BRCA2: variants seen among roughly 807,000 people sequenced by gnomAD.
The protein encoded by BRCA2 is breast cancer type 2 susceptibility protein.
Under a neutral mutation model 276.7 loss-of-function variants are expected in BRCA2, and 203 were observed. The ratio of observed to expected loss-of-function variants is 0.73; its 90% CI spans 0.65 to 0.82. The LOEUF is 0.82. Among genes scored for constraint, BRCA2 ranks in the 40% least tolerant of loss-of-function variants. BRCA2 has a pLI of 0.00. For missense variants in BRCA2, 3,920 were observed against 3,915.0 expected (o/e 1.00, Z -0.03); for synonymous variants, 1,289 against 1,338.4 (o/e 0.96, Z 0.81).
intron 3 of BRCA2, among the ~76,000 whole-genome samples, chr13:32,324,252 GA>G (rs1414236063): frequency 1.3e-5 from 2 of 152,154 alleles, no homozygotes; most frequent in Admixed American, 1.3e-4. Context: ...TTTTCTGGAG[GA>G]GGTAGTTTCT....
chr13:32,389,487 A>C (rs2072982742), intron 24 of BRCA2, among the ~76,000 whole-genome samples: 1 of 152,106 alleles, frequency 6.6e-6, no homozygotes, highest in African/African-American at 2.4e-5. Context: ...AAATTCTTTT[A>C]GTTTTCTCTC....
At chr13:32,377,371 C>T (rs1346982705) in intron 21 of BRCA2, among the ~76,000 whole-genome samples, 1 of 152,152 alleles carries the variant, frequency 6.6e-6, no homozygotes, top group Non-Finnish European at 1.5e-5. Flanking sequence ...GCAGAAGGAT[C>T]ACCTGAGGTC....
intron 18 of BRCA2, among the ~76,000 whole-genome samples, chr13:32,369,305 G>C (rs1294036843): frequency 6.6e-6 from 1 of 152,006 alleles, no homozygotes; most frequent in Non-Finnish European, 1.5e-5. Context: ...ACTTGGGATA[G>C]GAAAGAAAAT....
chr13:32,332,605 T>C lies in BRCA2; in HGVS notation c.1127T>C (p.Phe376Ser), dbSNP rs80358410. Residue 376 changes from phenylalanine (F) to serine (S), a missense_variant, in exon 10 of 27, where the codon TTT (phenylalanine) becomes TCT (serine). Phe to Ser is a radical substitution (Grantham distance 155, BLOSUM62 -2). Transcript: ENST00000380152. ...TCAAATGTAGCAAATCAGAAGCCCT[T>C]TGAGAGTGGAAGTGACAAAATCTCC... The part of the protein sequence containing the change: ...LDSNVANQKP[F>S]ESGSDKISKE... 2.5e-6 allele frequency: 4 copies of C among 1,613,940 alleles called. No individual in the cohort carries two copies. The highest frequency in any genetic ancestry group is 2.5e-6 in the Non-Finnish European group (3 of 1,179,956).
chr13:32,369,445 T>C (rs1402124160), intron 18 of BRCA2, among the ~76,000 whole-genome samples: 1 of 152,232 alleles, frequency 6.6e-6, no homozygotes, highest in Non-Finnish European at 1.5e-5. Flanking sequence ...TTATTTTGTT[T>C]CATGTTAACT....
chr13:32,375,372 C>A, intron 20 of BRCA2: 1 of 452,774 alleles, frequency 2.2e-6, no homozygotes. Flanking sequence ...CTTGAACCCC[C>A]CAAAGTCATC....
chr13:32,383,128 AG>A (rs2072935583), intron 24 of BRCA2, among the ~76,000 whole-genome samples: 1 of 152,216 alleles, frequency 6.6e-6, no homozygotes, highest in African/African-American at 2.4e-5. Context: ...TGGGAGGCCA[AG>A]GTGGGTGGAT....
In BRCA2 at chr13:32,339,797, G is replaced by T. The variant is rs1166068000; in HGVS notation, c.5442G>T (p.Val1814=). The change falls in exon 11 of 27, where the codon GTG becomes GTT. Residue 1814 remains valine, a synonymous_variant. Transcript: ENST00000380152. Reference sequence around the variant, plus strand: ...AAGATATTTGCGTTGAGGAACTTGTGACTAGCTCTTCACCCTGCAAAAATA... The same window carrying T: ...AAGATATTTGCGTTGAGGAACTTGTTACTAGCTCTTCACCCTGCAAAAATA... ...VNEDICVEEL[V]TSSSPCKNKN... is the part of the protein sequence containing the mutation. 6.2e-7 allele frequency: 1 copy of T among 1,613,672 alleles called. No homozygotes were observed. Among genetic ancestry groups the T allele is most frequent in the East Asian group, 2.2e-5 (1 of 44,864 alleles).
intron 24 of BRCA2, among the ~76,000 whole-genome samples, chr13:32,391,237 T>C (rs2072994893): frequency 6.6e-6 from 1 of 152,184 alleles, no homozygotes; most frequent in South Asian, 2.1e-4. Flanking sequence ...GGAAACAGAC[T>C]TACAGATTTC....
intron 20 of BRCA2, among the ~76,000 whole-genome samples, chr13:32,374,067 A>C (rs1355712045): frequency 6.6e-6 from 1 of 152,226 alleles, no homozygotes; most frequent in Non-Finnish European, 1.5e-5. Flanking sequence ...CAATGGCCTG[A>C]TCTGTACCTT....
intron 24 of BRCA2, among the ~76,000 whole-genome samples, chr13:32,394,143 C>T (rs1009889537): frequency 7.9e-5 from 12 of 152,184 alleles, no homozygotes; most frequent in African/African-American, 2.4e-4. Flanking sequence ...TTTACAGCTA[C>T]GTGGTACACC....
At chr13:32,344,955 C>T (rs1336132465) in intron 12 of BRCA2, among the ~76,000 whole-genome samples, 3 of 151,994 alleles carry the variant, frequency 2.0e-5, no homozygotes, top group South Asian at 2.1e-4. Flanking sequence ...GCGGATCTTC[C>T]GAAAGTTGAC....
chr13:32,371,242 CT>C (rs1566249541), intron 20 of BRCA2, 142 bp downstream of exon 20: 2 of 856,086 alleles, frequency 2.3e-6, no homozygotes, highest in Non-Finnish European at 3.5e-6. Context: ...CTAGGGTATT[CT>C]TTTTTGGTGT....
intron 13 of BRCA2, among the ~76,000 whole-genome samples, chr13:32,347,142 G>A (rs2072617433): frequency 6.6e-6 from 1 of 152,028 alleles, no homozygotes. Flanking sequence ...AAGTACTAAG[G>A]TTGAGAGGAA....
In BRCA2 at chr13:32,375,245, T is replaced by C. The variant is rs9534318; in HGVS notation, c.8633-1425T>C. 174,184 of 332,880 alleles carry C rather than the reference T, an allele frequency of 0.52. 46,249 individuals are homozygous for C. The highest frequency in any genetic ancestry group is 0.57 in the East Asian group (6,367 of 11,110). The allele number at this position is 332,880 out of a possible 1,614,324, so 20.6% of individuals were successfully genotyped here. A position where few individuals can be genotyped will look rare whatever the true frequency, so the allele number is the denominator to read the frequency against. On this transcript the variant is annotated intron_variant, in intron 20 of 26. Coordinates refer to ENST00000380152, the MANE Select transcript of BRCA2 (RefSeq NM_000059.4). ...CAGAGCCAAATCGTATGAAGCTCCT[T>C]ATCATTTAAGTTTTATTGTGACATT...
intron 13 of BRCA2, among the ~76,000 whole-genome samples, chr13:32,349,798 G>A (rs1593914803): frequency 1.6e-5 from 2 of 123,028 alleles, no homozygotes; most frequent in South Asian, 5.8e-4. Context: ...CTGGACGACA[G>A]AGCAAGACCC....
chr13:32,336,242 T>C (rs2137481595), intron 10 of BRCA2, 23 bp from the exon 11 acceptor site: 5 of 1,591,498 alleles, frequency 3.1e-6, no homozygotes, highest in Non-Finnish European at 4.3e-6. Flanking sequence ...TTTAATTTTG[T>C]CACTTTGTGT....
At chr13:32,366,382 G>C (rs1343482078) in intron 18 of BRCA2, among the ~76,000 whole-genome samples, 2 of 152,146 alleles carry the variant, frequency 1.3e-5, no homozygotes, top group African/African-American at 4.8e-5. Flanking sequence ...TATATTTGTT[G>C]TATGTGAGTA....
intron 18 of BRCA2, among the ~76,000 whole-genome samples, chr13:32,366,384 A>C (rs1283168845): frequency 6.6e-6 from 1 of 152,204 alleles, no homozygotes; most frequent in Non-Finnish European, 1.5e-5. Flanking sequence ...TATTTGTTGT[A>C]TGTGAGTAAT....
Sources: gnomAD v4.1 joint callset for allele counts (sites outside exome capture counted in the v4.1 genomes callset) on GRCh38, gnomAD v4.1.1 for gene constraint, MANE v1.5 for transcripts, NCBI Gene and HGNC (gene_info 2026-07-23, HGNC 2026-07-21) for gene names.